The following ATP1B3 variants were observed in gnomAD, a reference collection of about 807,000 sequenced individuals.
ATP1B3 encodes the protein sodium/potassium-transporting ATPase subunit beta-3.
In ATP1B3, 10 loss-of-function variants were observed where a neutral mutation model predicts 30.2. The observed-to-expected ratio is 0.33, with a 90% CI of 0.20 to 0.56. The LOEUF (loss-of-function observed/expected upper bound fraction) is 0.56. Ranked by LOEUF, ATP1B3 falls within the 20% of genes least tolerant of loss-of-function variation. The pLI, the probability that ATP1B3 is intolerant of heterozygous loss-of-function variation, is 0.90. For missense variants in ATP1B3, 238 were observed against 336.7 expected (o/e 0.71, Z 2.29); for synonymous variants, 113 against 117.0 (o/e 0.97, Z 0.22).
chr3:141,913,764 A>G lies in ATP1B3; in HGVS notation c.459A>G (p.Ala153=), dbSNP rs202240411. ...AGTTTCCTATTTCATTACTTCAAGC[A>G]TGCAGTGGTATGAATGATCCTGATT... ...ACQFPISLLQ[A]CSGMNDPDFG... Residue 153 remains alanine, a synonymous_variant, in exon 4 of 7, where the codon GCA becomes GCG. Transcript: ENST00000286371. 1 of 1,614,102 alleles carries G rather than the reference A, an allele frequency of 6.2e-7. No individual in the cohort carries two copies. The highest frequency in any genetic ancestry group is 8.5e-7 in the Non-Finnish European group (1 of 1,179,984).
At chr3:141,917,583 A>G (rs1934488781) in intron 5 of ATP1B3, among the ~76,000 whole-genome samples, 1 of 151,878 alleles carries the variant, frequency 6.6e-6, no homozygotes, top group Non-Finnish European at 1.5e-5. Flanking sequence ...AGTCCCAGCT[A>G]TTCAGGAGAC....
At chr3:141,915,929 C>T (rs761626729) in intron 4 of ATP1B3, 41 bp from the exon 5 acceptor site, 1 of 1,533,962 alleles carries the variant, frequency 6.5e-7, no homozygotes, top group Non-Finnish European at 8.9e-7. Context: ...CCATTGCATA[C>T]TTACGTGAAG....
rs556773703 is a variant in ATP1B3, at chr3:141,923,404, C to G, written c.669+1341C>G. Among the ~76,000 whole-genome samples, 5 of 152,296 alleles carry G rather than the reference C, an allele frequency of 3.3e-5. No individual in the cohort carries two copies. The South Asian group carries it at 1.0e-3, about 32-fold the overall frequency. ...TGCTCAGCCCCCTGGCCACGTGATG[C>G]CTTGCACCACCTCAGGACTCTGTTG... On this transcript the variant is annotated intron_variant, in intron 6 of 6. Transcript: ENST00000286371.
chr3:141,909,885 A>C (rs1412349411), intron 3 of ATP1B3, among the ~76,000 whole-genome samples: 1 of 152,252 alleles, frequency 6.6e-6, no homozygotes, highest in Admixed American at 6.5e-5. Context: ...AGGCTATTAC[A>C]ATAATCTAGG....
intron 3 of ATP1B3, among the ~76,000 whole-genome samples, chr3:141,908,068 C>CTT (rs56374653): frequency 0.1 from 10,876 of 109,004 alleles, 372 homozygotes; most frequent in East Asian, 0.29. Context: ...GCCAGGCATT[C>CTT]TTTTTTTTTT....
At chr3:141,915,933 C>T (rs369684231) in intron 4 of ATP1B3, 37 bp from the exon 5 acceptor site, 21 of 1,546,794 alleles carry the variant, frequency 1.4e-5, no homozygotes, top group Admixed American at 5.3e-5. Context: ...TGCATACTTA[C>T]GTGAAGTTTA....
rs775512204 is a variant in ATP1B3 at position 141,876,793 on chromosome 3, G to A, written c.-9G>A. 5 of 1,587,514 alleles carry A rather than the reference G, an allele frequency of 3.1e-6. No homozygotes were observed. The Admixed American group carries it at 5.1e-5, about 16-fold the overall frequency. On this transcript the variant is annotated 5_prime_UTR_variant, in exon 1 of 7. Coordinates refer to ENST00000286371, the MANE Select transcript of ATP1B3 (RefSeq NM_001679.4). ...GGCCGCAGCTCCTCTCGCCGTCCGC[G>A]CGCACACCATGACGAAGAACGAGAA...
intron 1 of ATP1B3, among the ~76,000 whole-genome samples, chr3:141,902,497 A>G (rs1331098831): frequency 6.6e-6 from 1 of 152,208 alleles, no homozygotes; most frequent in Non-Finnish European, 1.5e-5. Context: ...TAAACCTTGA[A>G]ATACAAGTGA....
chr3:141,909,872 G>T (rs1044798792), intron 3 of ATP1B3, among the ~76,000 whole-genome samples: 4 of 152,242 alleles, frequency 2.6e-5, no homozygotes, highest in African/African-American at 7.2e-5. Context: ...GGGGAAGCCA[G>T]TTAGGCTATT....
At chr3:141,904,328 G>A (rs1004591320) in intron 2 of ATP1B3, among the ~76,000 whole-genome samples, 1 of 151,244 alleles carries the variant, frequency 6.6e-6, no homozygotes, top group African/African-American at 2.4e-5. Context: ...TCAGAAGTAA[G>A]CAAATGAATA....
At chr3:141,901,510 C>T (rs1934162939) in intron 1 of ATP1B3, among the ~76,000 whole-genome samples, 1 of 152,158 alleles carries the variant, frequency 6.6e-6, no homozygotes, top group Admixed American at 6.5e-5. Context: ...AAACTCACTT[C>T]ACTGCTGGAA....
chr3:141,923,218 C>T (rs1934597269), intron 6 of ATP1B3, among the ~76,000 whole-genome samples: 2 of 151,250 alleles, frequency 1.3e-5, no homozygotes, highest in African/African-American at 4.9e-5. Context: ...GCAGAGATTG[C>T]AGTGAGCCAA....
Position 141,917,017 on chromosome 3 carries a change from ATTTTTTT to A in ATP1B3, c.582+1009_582+1015del, listed in dbSNP as rs63326663. Among the ~76,000 whole-genome samples the A allele has an allele frequency of 1.7e-4, 21 of 122,954 alleles. 1 individual carries two copies. Among genetic ancestry groups the A allele is most frequent in the African/African-American group, 6.3e-4 (19 of 30,296 alleles). 80.7% of individuals were successfully genotyped at this position (122,954 alleles called of 152,430 possible). On this transcript the variant is annotated intron_variant, in intron 5 of 6. Coordinates refer to ENST00000286371, the MANE Select transcript of ATP1B3 (RefSeq NM_001679.4). Reference sequence around the variant, plus strand: ...CTGGGACTACAGGCGCTCCCGGCTAATTTTTTTTTTTTTTTTTTGGAGAGACAGGGTT... The same window carrying A: ...CTGGGACTACAGGCGCTCCCGGCTAATTTTTTTTTTTGGAGAGACAGGGTT...
intron 4 of ATP1B3, 35 bp downstream of exon 4, chr3:141,913,871 T>G: frequency 6.5e-7 from 1 of 1,546,280 alleles, no homozygotes; most frequent in South Asian, 1.3e-5. Context: ...GCTGCTTTTT[T>G]CTAATATTCT....
intron 1 of ATP1B3, among the ~76,000 whole-genome samples, chr3:141,882,372 A>G (rs1342670234): frequency 6.6e-6 from 1 of 152,252 alleles, no homozygotes; most frequent in Admixed American, 6.5e-5. Flanking sequence ...TTTTTAAAAC[A>G]TACCTAAATA....
chr3:141,882,855 G>A (rs1238874437), intron 1 of ATP1B3, among the ~76,000 whole-genome samples: 1 of 152,080 alleles, frequency 6.6e-6, no homozygotes, highest in African/African-American at 2.4e-5. Context: ...CAAAGTACTG[G>A]GATTACAGGC....
chr3:141,887,487 A>C (rs1933858467), intron 1 of ATP1B3, among the ~76,000 whole-genome samples: 1 of 152,336 alleles, frequency 6.6e-6, no homozygotes, highest in African/African-American at 2.4e-5. Context: ...TGGCATATCC[A>C]TAAAGGTCCG....
At chr3:141,895,284 G>A (rs1000830432) in intron 1 of ATP1B3, among the ~76,000 whole-genome samples, 3 of 150,188 alleles carry the variant, frequency 2.0e-5, no homozygotes. Context: ...TGCCTCCCGT[G>A]TTCAAGCAAT....
At chr3:141,920,165 C>A (rs1310425486) in intron 5 of ATP1B3, among the ~76,000 whole-genome samples, 1 of 152,078 alleles carries the variant, frequency 6.6e-6, no homozygotes, top group East Asian at 1.9e-4. Flanking sequence ...GGTCTTGAGC[C>A]GTGATGGCCT....
Sources: gnomAD v4.1 joint callset for allele counts (sites outside exome capture counted in the v4.1 genomes callset) on GRCh38, gnomAD v4.1.1 for gene constraint, MANE v1.5 for transcripts, NCBI Gene and HGNC (gene_info 2026-07-23, HGNC 2026-07-21) for gene names.